The following UBE2K variants were observed in gnomAD, a reference collection of about 807,000 sequenced individuals.
UBE2K encodes ubiquitin conjugating enzyme E2 K.
Under a neutral mutation model 30.0 loss-of-function variants are expected in UBE2K, and 6 were observed. The ratio of observed to expected loss-of-function variants is 0.20; its 90% confidence interval spans 0.11 to 0.39. The LOEUF is 0.39. Ranked by LOEUF, UBE2K falls within the 10% of genes least tolerant of loss-of-function variation. The pLI, the probability that UBE2K is intolerant of heterozygous loss-of-function variation, is 1.00. For synonymous variants in UBE2K, 86 were observed against 83.7 expected (o/e 1.03, Z -0.15); for missense variants, 61 against 241.6 (o/e 0.25, Z 4.96).
intron 1 of UBE2K, among the ~76,000 whole-genome samples, chr4:39,706,781 G>A (rs1166455989): frequency 3.3e-5 from 5 of 151,974 alleles, no homozygotes; most frequent in African/African-American, 1.2e-4. Flanking sequence ...AACAGTTACC[G>A]AACATGTTGA....
chr4:39,777,818 C>A lies in UBE2K; in HGVS notation c.528+8C>A. 1 of 1,422,996 alleles carries A rather than the reference C, an allele frequency of 7.0e-7. No homozygotes were observed. The highest frequency in any genetic ancestry group is 9.2e-7 in the Non-Finnish European group (1 of 1,085,300). 88.1% of individuals were successfully genotyped at this position (1,422,996 alleles called of 1,614,324 possible). A position where few individuals can be genotyped will look rare whatever the true frequency, so the allele number is the denominator to read the frequency against. ...GCTATGGGCTTTGATAGGGTAAGTA[C>A]ATAAGGGCATGTTGATTTTGATATA... On this transcript the variant is annotated splice_region_variant and intron_variant, in intron 6 of 6. Transcript: ENST00000261427.
chr4:39,761,953 A>C (rs897005954), intron 4 of UBE2K, among the ~76,000 whole-genome samples: 1 of 151,724 alleles, frequency 6.6e-6, no homozygotes, highest in Non-Finnish European at 1.5e-5. Context: ...AGGTGGGTGG[A>C]TCACGAGGTT....
At position 39,714,771 on chromosome 4, in the gene UBE2K, G is replaced by A. The variant is rs189161571; in HGVS notation, c.63+16381G>A. On this transcript the variant is annotated intron_variant, in intron 1 of 6. Transcript: ENST00000261427. ...TTACCATGTTGGCCAGGATGGTCTC[G>A]ATCTCCTGACCTCGTGATGTGCCCA... 2.9e-3 allele frequency among the ~76,000 whole-genome samples: 439 copies of A among 150,132 alleles called. 1 individual carries two copies. Among genetic ancestry groups the A allele is most frequent in the Admixed American group, 6.8e-3 (102 of 15,046 alleles).
At chr4:39,770,506 G>T in intron 4 of UBE2K, 1 of 1,608,654 alleles carries the variant, frequency 6.2e-7, no homozygotes. Context: ...CCAGGCAGGG[G>T]TCCCTGGCTG....
At chr4:39,704,060 T>C (rs1198922611) in intron 1 of UBE2K, among the ~76,000 whole-genome samples, 1 of 151,760 alleles carries the variant, frequency 6.6e-6, no homozygotes, top group Non-Finnish European at 1.5e-5. Context: ...TAAAATTTTC[T>C]ACCAAAAATG....
intron 3 of UBE2K, among the ~76,000 whole-genome samples, chr4:39,749,672 C>CT (rs1221659980): frequency 1.3e-5 from 2 of 151,250 alleles, no homozygotes; most frequent in African/African-American, 2.4e-5. Flanking sequence ...GAGTAAGACT[C>CT]TGTCTCAAAA....
intron 1 of UBE2K, among the ~76,000 whole-genome samples, chr4:39,722,381 T>C (rs1025280861): frequency 1.3e-5 from 2 of 152,206 alleles, no homozygotes; most frequent in Non-Finnish European, 2.9e-5. Flanking sequence ...ATGTGTAATA[T>C]CAGATTTTCT....
At chr4:39,778,120 A>G (rs1360278623) in intron 6 of UBE2K, among the ~76,000 whole-genome samples, 2 of 151,282 alleles carry the variant, frequency 1.3e-5, no homozygotes, top group African/African-American at 4.8e-5. Context: ...AAAAAAAAAA[A>G]AAAGGAAAAT....
chr4:39,752,208 C>CT (rs1389864575), intron 3 of UBE2K, among the ~76,000 whole-genome samples: 1 of 152,188 alleles, frequency 6.6e-6, no homozygotes, highest in Non-Finnish European at 1.5e-5. Context: ...TCTCAGCTCA[C>CT]TGCAAGCTCC....
intron 4 of UBE2K, among the ~76,000 whole-genome samples, chr4:39,772,961 A>G (rs1014669577): frequency 6.7e-6 from 1 of 149,558 alleles, no homozygotes; most frequent in Non-Finnish European, 1.5e-5. Flanking sequence ...TGTTGGGATT[A>G]CAGGTGTGAG....
chr4:39,742,900 G>T lies in UBE2K; in HGVS notation c.158-2852G>T, dbSNP rs1023314331. 3.9e-5 allele frequency among the ~76,000 whole-genome samples: 6 copies of T among 152,230 alleles called. No homozygotes were observed. In the South Asian group the frequency reaches 1.2e-3, roughly 32 times the overall value. ...ATCTCTACTAAAAATACAAAAATTA[G>T]CTGGGCATTGTGGTGGGCACCTGTA... On this transcript the variant is annotated intron_variant, in intron 2 of 6. Transcript: ENST00000261427.
chr4:39,731,193 A>G (rs1720055771), intron 1 of UBE2K, among the ~76,000 whole-genome samples: 1 of 150,720 alleles, frequency 6.6e-6, no homozygotes, highest in South Asian at 2.1e-4. Flanking sequence ...GCGCCCGGCC[A>G]TCTTGTACTC....
Position 39,774,561 on chromosome 4 carries a change from C to T in UBE2K, c.300-273C>T, listed in dbSNP as rs372085596. ...CCGGGAGGCGGAGCTTGCAGTGAAC[C>T]GAGACTATACCACTGCACTCCAGCC... On this transcript the variant is annotated intron_variant, in intron 4 of 6. Coordinates refer to ENST00000261427, the MANE Select transcript of UBE2K (RefSeq NM_005339.5). Among the ~76,000 whole-genome samples, 5 of 150,442 alleles carry T rather than the reference C, an allele frequency of 3.3e-5. No individual in the cohort carries two copies. In the East Asian group the frequency reaches 7.9e-4, roughly 24 times the overall value.
rs952009052 is a variant in UBE2K at position 39,770,936 on chromosome 4, G to T, written c.300-3898G>T. On this transcript the variant is annotated intron_variant, in intron 4 of 6. Transcript: ENST00000261427. Reference sequence around the variant, plus strand: ...GTGGAGGGGATAGAGGAGGTGGGGGGTGGGGGCTTCGGGGCTGGCTTTGGG... The same window carrying T: ...GTGGAGGGGATAGAGGAGGTGGGGGTTGGGGGCTTCGGGGCTGGCTTTGGG... 23 of 1,570,824 alleles carry T rather than the reference G, an allele frequency of 1.5e-5. No homozygotes were observed. In the African/African-American group the frequency reaches 2.4e-4, roughly 17 times the overall value.
In UBE2K at chr4:39,770,547, G is replaced by A. The variant is rs1712725009; in HGVS notation, c.300-4287G>A. 4.4e-6 allele frequency: 7 copies of A among 1,594,864 alleles called. No homozygotes were observed. The East Asian group carries it at 9.1e-5, about 21-fold the overall frequency. ...CGCCCCCCGGGCAACCATGGCCGCC[G>A]CTGCTGCTTCCACCAGGCCCGAGGT... On this transcript the variant is annotated intron_variant, in intron 4 of 6. Transcript: ENST00000261427.
intron 1 of UBE2K, among the ~76,000 whole-genome samples, chr4:39,734,782 GC>G (rs1720268307): frequency 1.3e-5 from 2 of 152,192 alleles, no homozygotes; most frequent in Non-Finnish European, 2.9e-5. Flanking sequence ...CTGCATTCCA[GC>G]CAGGGTGATG....
chr4:39,737,382 C>A, intron 1 of UBE2K, 38 bp from the exon 2 acceptor site: 1 of 1,348,338 alleles, frequency 7.4e-7, no homozygotes, highest in Non-Finnish European at 1.0e-6. Context: ...GTTTTTCTTG[C>A]TGACATAACT....
At chr4:39,742,719 C>CAACA (rs1479324634) in intron 2 of UBE2K, among the ~76,000 whole-genome samples, 4 of 151,982 alleles carry the variant, frequency 2.6e-5, no homozygotes, top group Non-Finnish European at 5.9e-5. Flanking sequence ...CCAGTCTGGG[C>CAACA]AACAGAGTGA....
chr4:39,730,391 G>T (rs564524795), intron 1 of UBE2K, among the ~76,000 whole-genome samples: 83 of 151,878 alleles, frequency 5.5e-4, no homozygotes, highest in Non-Finnish European at 1.0e-3. Context: ...TCACTATATG[G>T]CCCAGGCGGG....
Sources: allele counts gnomAD v4.1 joint callset (sites outside exome capture counted in the v4.1 genomes callset), GRCh38; gene constraint gnomAD v4.1.1; transcripts MANE v1.5; gene names NCBI Gene and HGNC (gene_info 2026-07-23, HGNC 2026-07-21).